The following SORL1 variants were observed in gnomAD, a reference collection of about 807,000 sequenced individuals.
SORL1 encodes the protein sortilin-related receptor.
A neutral mutation model predicts 273.7 loss-of-function variants in SORL1; 127 were observed. The ratio of observed to expected loss-of-function variants is 0.46; its 90% CI spans 0.40 to 0.54. The LOEUF is 0.54. SORL1 is among the 20% of genes least tolerant of loss of function. The pLI, the probability that SORL1 is intolerant of heterozygous loss-of-function variation, is 0.00. For synonymous variants in SORL1, 1,031 were observed against 1,067.4 expected (o/e 0.97, Z 0.66); for missense variants, 2,494 against 2,846.1 (o/e 0.88, Z 2.81).
chr11:121,627,402 T>A lies in SORL1; in HGVS notation c.6365-153T>A, dbSNP rs2134957161. 6 of 652,692 alleles carry A rather than the reference T, an allele frequency of 9.2e-6. No homozygotes were observed. The South Asian group carries it at 1.1e-4, about 12-fold the overall frequency. The allele number at this position is 652,692 out of a possible 1,614,324, so 40.4% of individuals were successfully genotyped here. ...CAAGTAGTGGGGAAGCAATCAGGCA[T>A]CACGCACATGCAGAAACGTCTCACA... On this transcript the variant is annotated intron_variant, in intron 46 of 47. Transcript: ENST00000260197. The surrounding 1 kb of genome is among the most constrained non-coding windows in gnomAD (Gnocchi z 4.9).
intron 24 of SORL1, 34 bp downstream of exon 24, chr11:121,574,397 G>T: frequency 6.2e-7 from 1 of 1,605,494 alleles, no homozygotes; most frequent in South Asian, 1.1e-5. Flanking sequence ...ACCCTGCTCT[G>T]GAGAGGGGGG....
intron 8 of SORL1, 136 bp downstream of exon 8, chr11:121,514,457 C>T: frequency 1.2e-6 from 1 of 820,376 alleles, no homozygotes; most frequent in Non-Finnish European, 1.9e-6. Context: ...ATGCCTGGCT[C>T]ACGTGCGCAG....
chr11:121,496,236 GTTT>G (rs1861627367), intron 5 of SORL1, among the ~76,000 whole-genome samples: 1 of 152,250 alleles, frequency 6.6e-6, no homozygotes, highest in African/African-American at 2.4e-5. Context: ...AGAGTGTGGT[GTTT>G]GCAAAAGCAC....
chr11:121,514,057 A>T, intron 7 of SORL1, 95 bp from the exon 8 acceptor site: 2 of 1,362,534 alleles, frequency 1.5e-6, no homozygotes, highest in Non-Finnish European at 2.0e-6. Context: ...ATTCATCGCT[A>T]GAACATTTGA....
chr11:121,473,611 G>C (rs892877297), intron 2 of SORL1, among the ~76,000 whole-genome samples: 1 of 152,218 alleles, frequency 6.6e-6, no homozygotes, highest in African/African-American at 2.4e-5. Flanking sequence ...ATCAACCAGG[G>C]GCTGGGTGAG....
chr11:121,591,683 T>C (rs1863217058), intron 31 of SORL1, among the ~76,000 whole-genome samples: 1 of 152,204 alleles, frequency 6.6e-6, no homozygotes, highest in African/African-American at 2.4e-5. Flanking sequence ...TCCCATTTCG[T>C]GTGTGCTCCT....
At chr11:121,480,312 T>C (rs1450098663) in intron 3 of SORL1, among the ~76,000 whole-genome samples, 2 of 152,124 alleles carry the variant, frequency 1.3e-5, no homozygotes, top group Non-Finnish European at 2.9e-5. Context: ...TCTATTTAAA[T>C]AATTAAATTT....
At position 121,543,694 on chromosome 11, in the gene SORL1, T is replaced by C. The variant is rs747635655; in HGVS notation, c.1832T>C (p.Leu611Pro). The change falls in exon 13 of 48, where the codon CTG becomes CCG. Residue 611 changes from leucine to proline, a missense_variant. Leu to Pro is a moderately conservative substitution (Grantham distance 98, BLOSUM62 -3). Transcript: ENST00000260197. ...GSNKENVHSW[L>P]ILQVNATDAL... ...AACAAAGAGAATGTCCACAGCTGGCTGATCCTCCAGGTCAATGCCACGGAT... is the reference window on the plus strand; with the variant it reads ...AACAAAGAGAATGTCCACAGCTGGCCGATCCTCCAGGTCAATGCCACGGAT... The C allele has an allele frequency of 6.2e-7, 1 of 1,613,940 alleles. No individual in the cohort carries two copies. The highest frequency in any genetic ancestry group is 8.5e-7 in the Non-Finnish European group (1 of 1,179,946).
chr11:121,488,819 A>T (rs1354225387), intron 4 of SORL1, among the ~76,000 whole-genome samples: 1 of 152,218 alleles, frequency 6.6e-6, no homozygotes, highest in Admixed American at 6.5e-5. Flanking sequence ...TGAAACTTGT[A>T]GATCCTGTAT....
intron 6 of SORL1, among the ~76,000 whole-genome samples, chr11:121,503,921 A>C (rs1861750106): frequency 6.6e-6 from 1 of 152,226 alleles, no homozygotes; most frequent in Non-Finnish European, 1.5e-5. Flanking sequence ...TTGCCAAAAC[A>C]AAACAAAAAC....
chr11:121,610,995 G>A (rs982485061), intron 38 of SORL1, 81 bp from the exon 39 acceptor site: 26 of 914,936 alleles, frequency 2.8e-5, no homozygotes, highest in African/African-American at 1.2e-4. Flanking sequence ...GGCTTTGTCC[G>A]TTGAGTTGAA....
Position 121,555,240 on chromosome 11 carries a change from G to A in SORL1, c.2493G>A (p.Leu831=). ...TGQEVIINSG[L]ETVEALAFEP... ...AAGAGGTGATCATCAATTCTGGCCT[G>A]GAGACAGTAGAAGCTTTGGCTTTTG... is the stretch of plus-strand genomic sequence containing the variant. Residue 831 remains leucine, a synonymous_variant, in exon 18 of 48, where the codon CTG becomes CTA. Coordinates refer to ENST00000260197, the MANE Select transcript of SORL1 (RefSeq NM_003105.6). 6.2e-7 allele frequency: 1 copy of A among 1,614,070 alleles called. No individual in the cohort carries two copies. Among genetic ancestry groups the A allele is most frequent in the Non-Finnish European group, 8.5e-7 (1 of 1,179,914 alleles).
intron 2 of SORL1, 56 bp downstream of exon 2, chr11:121,470,179 G>A (rs972463538): frequency 9.1e-7 from 1 of 1,099,494 alleles, no homozygotes; most frequent in Non-Finnish European, 1.4e-6. Context: ...GCCCTTTTCT[G>A]GTCCACTGGG....
chr11:121,521,893 A>G (rs575782247), intron 9 of SORL1, among the ~76,000 whole-genome samples: 1 of 152,350 alleles, frequency 6.6e-6, no homozygotes, highest in East Asian at 1.9e-4. Context: ...AGTAACATTG[A>G]ACAAGCTCTT....
intron 24 of SORL1, among the ~76,000 whole-genome samples, chr11:121,575,162 G>A (rs1316148132): frequency 6.6e-6 from 1 of 152,104 alleles, no homozygotes; most frequent in Non-Finnish European, 1.5e-5. Context: ...GAGGTCAGGG[G>A]GCTTATTCAA....
chr11:121,571,635 G>T (rs1454312034), intron 23 of SORL1, among the ~76,000 whole-genome samples: 1 of 152,224 alleles, frequency 6.6e-6, no homozygotes, highest in Non-Finnish European at 1.5e-5. Context: ...AGTCATCCGT[G>T]GGGCCTGTGC....
intron 21 of SORL1, among the ~76,000 whole-genome samples, chr11:121,565,628 A>G (rs947501906): frequency 6.6e-6 from 1 of 152,194 alleles, no homozygotes; most frequent in Non-Finnish European, 1.5e-5. Flanking sequence ...CTAAGTTTTT[A>G]TGTTCATTTT....
At position 121,595,834 on chromosome 11, in the gene SORL1, G is replaced by A. The variant is rs1863288210; in HGVS notation, c.4519+62G>A. Reference sequence around the variant, plus strand: ...TTTCTGCAGAGAGCACAGTTCTGGTGCTTCTGCTTCATTTCTGGATCAGCA... The same window carrying A: ...TTTCTGCAGAGAGCACAGTTCTGGTACTTCTGCTTCATTTCTGGATCAGCA... On this transcript the variant is annotated intron_variant, in intron 32 of 47. Transcript: ENST00000260197. This position sits in a 1 kb window ranked among gnomAD's most constrained non-coding sequence, Gnocchi z 5.1. 2.6e-6 allele frequency: 4 copies of A among 1,542,316 alleles called. No individual in the cohort carries two copies. Among genetic ancestry groups the A allele is most frequent in the Non-Finnish European group, 3.5e-6 (4 of 1,134,948 alleles).
chr11:121,556,271 T>C (rs1862580624), intron 18 of SORL1, among the ~76,000 whole-genome samples: 1 of 152,132 alleles, frequency 6.6e-6, no homozygotes, highest in Admixed American at 6.5e-5. Flanking sequence ...AAATAATAAA[T>C]CAGTTCTGTT....
Sources: gnomAD v4.1 joint callset for allele counts (sites outside exome capture counted in the v4.1 genomes callset) on GRCh38, gnomAD v4.1.1 for gene constraint, Gnocchi (gnomAD v3.1) non-coding constraint, MANE v1.5 for transcripts, NCBI Gene and HGNC (gene_info 2026-07-23, HGNC 2026-07-21) for gene names.